DISC1: variants seen among roughly 807,000 people sequenced by gnomAD.
DISC1 encodes DISC1 scaffold protein.
DISC1 carries 57 observed loss-of-function variants against 84.5 expected under a neutral mutation model. The observed-to-expected ratio is 0.67, with a 90% CI of 0.55 to 0.84. DISC1 has a LOEUF of 0.84. Ranked by LOEUF, DISC1 falls within the 40% of genes least tolerant of loss-of-function variation. The pLI is 0.00. For missense variants in DISC1, 1,000 were observed against 1,057.8 expected, an observed-to-expected ratio of 0.95 and a Z score of 0.76; for synonymous variants, 411 against 415.2, an observed-to-expected ratio of 0.99 and a Z score of 0.12.
At chr1:231,925,544 A>G (rs1202961675) in intron 9 of DISC1, among the ~76,000 whole-genome samples, 1 of 152,190 alleles carries the variant, frequency 6.6e-6, no homozygotes, top group East Asian at 1.9e-4. Context: ...CATGCCTCCT[A>G]TTAAGCCTGT....
intron 6 of DISC1, among the ~76,000 whole-genome samples, chr1:231,779,810 C>T (rs1401283526): frequency 3.3e-5 from 5 of 152,002 alleles, no homozygotes; most frequent in African/African-American, 7.2e-5. Context: ...CCACCTGCCT[C>T]GGTCTCCCAA....
intron 3 of DISC1, among the ~76,000 whole-genome samples, chr1:231,703,696 C>T (rs886336981): frequency 9.9e-5 from 15 of 152,206 alleles, no homozygotes; most frequent in Admixed American, 6.5e-4. Context: ...AAACATTCCG[C>T]AACACCTAAG....
At position 231,920,679 on chromosome 1, in the gene DISC1, T is replaced by C. The variant is rs551849630; in HGVS notation, c.1982-38149T>C. 9.8e-5 allele frequency among the ~76,000 whole-genome samples: 15 copies of C among 152,318 alleles called. 1 individual carries two copies. Among genetic ancestry groups the C allele is most frequent in the South Asian group, 4.1e-4 (2 of 4,834 alleles). ...CATCCGTTCATCCATAGATGGACAT[T>C]TGGGTTGCTTCCCGCATTTGGCTAT... On this transcript the variant is annotated intron_variant, in intron 9 of 12. Transcript: ENST00000439617.
At chr1:231,759,251 C>T (rs978161272) in intron 4 of DISC1, among the ~76,000 whole-genome samples, 2 of 152,140 alleles carry the variant, frequency 1.3e-5, no homozygotes, top group African/African-American at 4.8e-5. Context: ...ACTAACACAG[C>T]ATTCAGTGTC....
intron 9 of DISC1, among the ~76,000 whole-genome samples, chr1:231,851,331 T>C (rs545912153): frequency 2.9e-4 from 44 of 152,346 alleles, no homozygotes; most frequent in African/African-American, 9.9e-4. Context: ...TCTCTAACTC[T>C]TATGTCCTTG....
At chr1:231,859,007 G>A (rs2084454212) in intron 9 of DISC1, among the ~76,000 whole-genome samples, 1 of 152,202 alleles carries the variant, frequency 6.6e-6, no homozygotes, top group Non-Finnish European at 1.5e-5. Flanking sequence ...CTCATCCTCA[G>A]CTGGCTCTGG....
At chr1:231,896,531 T>G (rs1294054881) in intron 9 of DISC1, among the ~76,000 whole-genome samples, 6 of 152,202 alleles carry the variant, frequency 3.9e-5, no homozygotes, top group Non-Finnish European at 8.8e-5. Context: ...CTAAAAATTG[T>G]GGTGTTTCAT....
chr1:231,691,144 G>C (rs562673407), intron 1 of DISC1, among the ~76,000 whole-genome samples: 1 of 152,106 alleles, frequency 6.6e-6, no homozygotes, highest in African/African-American at 2.4e-5. Context: ...CTACTCAGGG[G>C]CTGGGCGCGG....
At chr1:231,997,190 A>G (rs1161506438) in intron 10 of DISC1, among the ~76,000 whole-genome samples, 1 of 152,194 alleles carries the variant, frequency 6.6e-6, no homozygotes, top group Non-Finnish European at 1.5e-5. Context: ...TTTGGGGACT[A>G]CCCTCACTCA....
intron 6 of DISC1, among the ~76,000 whole-genome samples, chr1:231,774,363 A>C (rs899141390): frequency 2.6e-5 from 4 of 152,222 alleles, no homozygotes; most frequent in African/African-American, 9.7e-5. Flanking sequence ...CTAGTTAATA[A>C]CATGACCTTT....
intron 1 of DISC1, among the ~76,000 whole-genome samples, chr1:231,678,208 G>A (rs1037942861): frequency 2.6e-5 from 4 of 152,142 alleles, no homozygotes; most frequent in South Asian, 2.1e-4. Flanking sequence ...CATTGGTCTC[G>A]TCTGAAGAAA....
At chr1:231,732,910 TG>T (rs1276698988) in intron 3 of DISC1, among the ~76,000 whole-genome samples, 1 of 134,114 alleles carries the variant, frequency 7.5e-6, no homozygotes, top group Non-Finnish European at 1.6e-5. Context: ...GTGTAGGTAG[TG>T]GGAACAGTGG....
At chr1:231,835,205 G>A (rs12739127) in intron 9 of DISC1, among the ~76,000 whole-genome samples, 47,857 of 151,996 alleles carry the variant, frequency 0.31, 7,636 homozygotes, top group East Asian at 0.39. Context: ...CTCCCAAGGG[G>A]GGTCCCCCGA....
intron 11 of DISC1, among the ~76,000 whole-genome samples, chr1:232,022,705 AC>A (rs925254178): frequency 1.3e-5 from 2 of 152,204 alleles, no homozygotes; most frequent in African/African-American, 4.8e-5. Flanking sequence ...ATATTAATCT[AC>A]CCTCTCATCA....
intron 1 of DISC1, among the ~76,000 whole-genome samples, chr1:231,628,922 A>T (rs2058482896): frequency 1.3e-5 from 2 of 151,106 alleles, no homozygotes; most frequent in South Asian, 4.2e-4. Context: ...TTTTTTTTAG[A>T]GTTGGAGTCT....
chr1:231,724,509 A>T (rs1430943736), intron 3 of DISC1, among the ~76,000 whole-genome samples: 3 of 152,182 alleles, frequency 2.0e-5, no homozygotes, highest in Non-Finnish European at 4.4e-5. Flanking sequence ...ACCAGCGTAC[A>T]ATAACCGCTG....
At chr1:231,805,697 C>T (rs915383500) in intron 8 of DISC1, among the ~76,000 whole-genome samples, 1 of 152,012 alleles carries the variant, frequency 6.6e-6, no homozygotes, top group Non-Finnish European at 1.5e-5. Flanking sequence ...TAATGAGAAA[C>T]TGCCCCTATG....
chr1:231,923,326 A>G (rs960462355), intron 9 of DISC1, among the ~76,000 whole-genome samples: 1 of 151,230 alleles, frequency 6.6e-6, no homozygotes, highest in African/African-American at 2.4e-5. Flanking sequence ...AAACAAAAAG[A>G]AAAAGAAATC....
chr1:231,843,014 A>G (rs975664545), intron 9 of DISC1, among the ~76,000 whole-genome samples: 1 of 152,110 alleles, frequency 6.6e-6, no homozygotes, highest in African/African-American at 2.4e-5. Flanking sequence ...TGCTGAGCCT[A>G]ACAGTACCAT....
Sources: gnomAD v4.1 joint callset for allele counts (sites outside exome capture counted in the v4.1 genomes callset) on GRCh38, gnomAD v4.1.1 for gene constraint, MANE v1.5 for transcripts, NCBI Gene and HGNC (gene_info 2026-07-23, HGNC 2026-07-21) for gene names.